PLCE1: variants seen among roughly 807,000 people sequenced by gnomAD.
PLCE1 encodes the protein phospholipase C epsilon 1, also known as 1-phosphatidylinositol 4,5-bisphosphate phosphodiesterase epsilon-1.
PLCE1 carries 119 observed loss-of-function variants against 242.8 expected under a neutral mutation model. The observed-to-expected ratio is 0.49, with a 90% CI of 0.42 to 0.57. The LOEUF (loss-of-function observed/expected upper bound fraction) is 0.57, where lower values mean the gene tolerates loss of function less well. PLCE1 is among the 20% of genes least tolerant of loss of function. The probability of loss-of-function intolerance (pLI) is 0.00; values close to 1 mark genes in which losing one functional copy is unlikely to be tolerated. For synonymous variants in PLCE1, 945 were observed against 1,017.4 expected (o/e 0.93, Z 1.35); for missense variants, 2,441 against 2,788.8 (o/e 0.88, Z 2.81).
chr10:94,256,849 C>A (rs1300969211), intron 11 of PLCE1, among the ~76,000 whole-genome samples: 1 of 152,146 alleles, frequency 6.6e-6, no homozygotes, highest in East Asian at 1.9e-4. Context: ...AGCTTGAATG[C>A]TATTAAGGGA....
chr10:94,288,016 T>C (rs1313105152), intron 22 of PLCE1, among the ~76,000 whole-genome samples: 1 of 152,178 alleles, frequency 6.6e-6, no homozygotes, highest in Non-Finnish European at 1.5e-5. Flanking sequence ...TAGGCATATG[T>C]TTGGGTACCT....
chr10:94,064,061 C>A (rs2044133860), intron 2 of PLCE1, among the ~76,000 whole-genome samples: 1 of 152,110 alleles, frequency 6.6e-6, no homozygotes, highest in Non-Finnish European at 1.5e-5. Context: ...CTTCAGCACT[C>A]ATTTTGTTAA....
intron 22 of PLCE1, chr10:94,287,103 A>T (rs1255013672): frequency 6.6e-6 from 1 of 152,222 alleles, no homozygotes; most frequent in Admixed American, 6.5e-5. Context: ...AGGTCATGTG[A>T]TAGAGCTTCT....
At chr10:94,235,786 T>G in intron 6 of PLCE1, 129 bp from the exon 7 acceptor site, 1 of 1,452,332 alleles carries the variant, frequency 6.9e-7, no homozygotes. Flanking sequence ...TCCTGGAGGC[T>G]CTTGTTTTCT....
At chr10:94,214,790 GC>G (rs2049461457) in intron 4 of PLCE1, among the ~76,000 whole-genome samples, 1 of 152,154 alleles carries the variant, frequency 6.6e-6, no homozygotes, top group Admixed American at 6.5e-5. Context: ...GTGCACACCT[GC>G]CCGAGGACCA....
At chr10:94,302,824 A>G (rs1173985213) in intron 24 of PLCE1, among the ~76,000 whole-genome samples, 1 of 152,228 alleles carries the variant, frequency 6.6e-6, no homozygotes, top group Non-Finnish European at 1.5e-5. Context: ...TCTGGTCCTT[A>G]GTAAGAGTGC....
intron 21 of PLCE1, 83 bp from the exon 22 acceptor site, chr10:94,284,765 A>G: frequency 2.5e-6 from 2 of 796,076 alleles, no homozygotes; most frequent in Non-Finnish European, 4.6e-6. Flanking sequence ...ACACCAGAGG[A>G]GGACAGATAA....
At chr10:94,004,682 C>G (rs1278718481) in intron 1 of PLCE1, among the ~76,000 whole-genome samples, 2 of 152,138 alleles carry the variant, frequency 1.3e-5, no homozygotes, top group African/African-American at 4.8e-5. Flanking sequence ...CAATTTTGGA[C>G]TTTTTTTCAA....
At chr10:94,207,429 G>A (rs1300886011) in intron 4 of PLCE1, among the ~76,000 whole-genome samples, 3 of 152,118 alleles carry the variant, frequency 2.0e-5, no homozygotes, top group Non-Finnish European at 4.4e-5. Context: ...AAAGAACTTT[G>A]AGGTGTTAAA....
chr10:94,074,378 T>C (rs535774000), intron 2 of PLCE1, among the ~76,000 whole-genome samples: 2 of 152,048 alleles, frequency 1.3e-5, no homozygotes, highest in Admixed American at 1.3e-4. Context: ...TTTTCATTTT[T>C]ATTTTTTGTA....
chr10:94,220,378 A>T (rs1255222432), intron 4 of PLCE1, among the ~76,000 whole-genome samples: 10 of 29,876 alleles, frequency 3.3e-4, no homozygotes, highest in African/African-American at 1.1e-3. Context: ...TAAACATTTT[A>T]TATATATATA....
chr10:94,314,362 G>A (rs529669421), intron 28 of PLCE1, among the ~76,000 whole-genome samples: 134 of 152,298 alleles, frequency 8.8e-4, no homozygotes, highest in Non-Finnish European at 1.6e-3. Flanking sequence ...CTCTTTGGGA[G>A]GCCGAGGCAG....
At position 94,068,004 on chromosome 10, in the gene PLCE1, T is replaced by C. The variant is rs575595216; in HGVS notation, c.1206+35752T>C. ...GCTGAACCCCCATGGTGGCACATAA[T>C]GTCCTCTTCCAGCAGGCTTTGTCCT... On this transcript the variant is annotated intron_variant, in intron 2 of 32. Transcript: ENST00000371380. 1.1e-4 allele frequency among the ~76,000 whole-genome samples: 16 copies of C among 152,280 alleles called. No homozygotes were observed. The East Asian group carries it at 3.1e-3, about 29-fold the overall frequency.
chr10:94,220,376 T>TTATTTATATATATA (rs1554887055), intron 4 of PLCE1, among the ~76,000 whole-genome samples: 1 of 61,878 alleles, frequency 1.6e-5, no homozygotes, highest in African/African-American at 6.3e-5. Context: ...ACTAAACATT[T>TTATTTATATATATA]TATATATATA....
intron 9 of PLCE1, among the ~76,000 whole-genome samples, chr10:94,252,990 G>T (rs2050934509): frequency 6.6e-6 from 1 of 152,194 alleles, no homozygotes; most frequent in Non-Finnish European, 1.5e-5. Context: ...TGTGGGCAAG[G>T]AAGGGCTAGA....
chr10:94,180,283 T>G (rs1319526399), intron 4 of PLCE1, among the ~76,000 whole-genome samples: 1 of 152,210 alleles, frequency 6.6e-6, no homozygotes, highest in Admixed American at 6.5e-5. Context: ...TGTTTGTTGA[T>G]TTTAACCTAT....
At chr10:94,038,345 G>A (rs1343079) in intron 2 of PLCE1, among the ~76,000 whole-genome samples, 2,677 of 152,202 alleles carry the variant, frequency 0.018, 26 homozygotes, top group Non-Finnish European at 0.023. Context: ...CAGCGGTGCT[G>A]GGCTTATTTT....
intron 17 of PLCE1, 48 bp from the exon 18 acceptor site, chr10:94,270,438 C>A: frequency 8.1e-7 from 1 of 1,227,338 alleles, no homozygotes; most frequent in Non-Finnish European, 1.2e-6. Context: ...GCCTTCTGAC[C>A]ACCTTGACAG....
intron 2 of PLCE1, among the ~76,000 whole-genome samples, chr10:94,116,199 G>A (rs1292926867): frequency 1.3e-5 from 2 of 152,004 alleles, no homozygotes; most frequent in Non-Finnish European, 2.9e-5. Context: ...ATACCCCTGA[G>A]TTTCTTAACT....
Sources: allele counts gnomAD v4.1 joint callset (sites outside exome capture counted in the v4.1 genomes callset), GRCh38; gene constraint gnomAD v4.1.1; transcripts MANE v1.5; gene names NCBI Gene and HGNC (gene_info 2026-07-23, HGNC 2026-07-21).